ATP9A: variants seen among roughly 807,000 people sequenced by gnomAD.
ATP9A encodes the protein probable phospholipid-transporting ATPase IIA.
A neutral mutation model predicts 144.1 loss-of-function variants in ATP9A; 52 were observed. The observed-to-expected ratio is 0.36, with a 90% CI of 0.29 to 0.45. ATP9A has a LOEUF of 0.45. ATP9A is among the 20% of genes least tolerant of loss of function. The pLI is 1.00. For missense variants in ATP9A, 947 were observed against 1,392.7 expected (o/e 0.68, Z 5.09); for synonymous variants, 582 against 557.4 (o/e 1.04, Z -0.62).
In ATP9A at chr20:51,601,536, C is replaced by T. The variant is rs567554983; in HGVS notation, c.3008-189G>A. ...TACCATGGCTAAGAGCACACAGCGC[C>T]GCAGCTTGATTTTCCTCGCTCTCTC... is the stretch of plus-strand genomic sequence containing the variant. On this transcript the variant is annotated intron_variant, in intron 27 of 27. Coordinates refer to ENST00000338821, the MANE Select transcript of ATP9A (RefSeq NM_006045.3). Among the ~76,000 whole-genome samples, 5 of 152,308 alleles carry T rather than the reference C, an allele frequency of 3.3e-5. No homozygotes were observed. The East Asian group carries it at 5.8e-4, about 18-fold the overall frequency.
At chr20:51,740,409 T>C (rs1040666508) in intron 1 of ATP9A, among the ~76,000 whole-genome samples, 1 of 147,252 alleles carries the variant, frequency 6.8e-6, no homozygotes, top group Non-Finnish European at 1.5e-5. Context: ...CTAAAATCTT[T>C]TAAGATTCCT....
In ATP9A at chr20:51,704,182, TAA is replaced by T. The variant is rs11086355; in HGVS notation, c.437-6702_437-6701del. Among the ~76,000 whole-genome samples, 683 of 130,466 alleles carry T rather than the reference TAA, an allele frequency of 5.2e-3. 6 individuals are homozygous for T. The highest frequency in any genetic ancestry group is 0.013 in the African/African-American group (476 of 36,326). The allele number at this position is 130,466 out of a possible 152,430, so 85.6% of individuals were successfully genotyped here. A position where few individuals can be genotyped will look rare whatever the true frequency, so the allele number is the denominator to read the frequency against. Reference sequence around the variant, plus strand: ...GGCTTTTGTTTAAATAGTGGGAACTTAAAAAAAAAAAAAAAAAAGGCTGCAGT... The same window carrying T: ...GGCTTTTGTTTAAATAGTGGGAACTTAAAAAAAAAAAAAAAAGGCTGCAGT... On this transcript the variant is annotated intron_variant, in intron 4 of 27. Transcript: ENST00000338821.
intron 11 of ATP9A, 138 bp from the exon 12 acceptor site, chr20:51,671,395 C>T (rs1313761657): frequency 6.4e-6 from 6 of 934,802 alleles, no homozygotes; most frequent in Admixed American, 2.6e-5. Context: ...CAGAGCTGAA[C>T]GCACAGACTC....
intron 13 of ATP9A, among the ~76,000 whole-genome samples, chr20:51,662,541 T>C (rs2122776435): frequency 8.5e-6 from 1 of 118,336 alleles, no homozygotes; most frequent in East Asian, 3.6e-4. Context: ...CAAGACTCTG[T>C]CTCAAAAAAA....
intron 13 of ATP9A, among the ~76,000 whole-genome samples, chr20:51,660,941 T>G (rs1405562447): frequency 6.6e-6 from 1 of 152,172 alleles, no homozygotes; most frequent in Non-Finnish European, 1.5e-5. Flanking sequence ...GAAAAACCAC[T>G]GGTCCCCTTA....
At chr20:51,746,465 G>A (rs11698143) in intron 1 of ATP9A, among the ~76,000 whole-genome samples, 14,889 of 151,210 alleles carry the variant, frequency 0.098, 1,016 homozygotes, top group African/African-American at 0.19. Flanking sequence ...TTGGGAAGCC[G>A]AGGCAGGCGG....
chr20:51,625,512 A>G lies in ATP9A; in HGVS notation c.1846-150T>C, dbSNP rs2077244706. 3 of 841,234 alleles carry G rather than the reference A, an allele frequency of 3.6e-6. No homozygotes were observed. In the South Asian group the frequency reaches 5.7e-5, roughly 16 times the overall value. The allele number at this position is 841,234 out of a possible 1,614,324, so 52.1% of individuals were successfully genotyped here. On this transcript the variant is annotated intron_variant, in intron 17 of 27. Coordinates refer to ENST00000338821, the MANE Select transcript of ATP9A (RefSeq NM_006045.3). ...GAGCTGGACCCCACAGGGGTGACAT[A>G]GGCTTCCAGCTTCCTCACAAGTCCT... is the stretch of plus-strand genomic sequence containing the variant.
intron 9 of ATP9A, among the ~76,000 whole-genome samples, chr20:51,681,659 T>C (rs1424783546): frequency 1.3e-5 from 2 of 152,118 alleles, no homozygotes; most frequent in Non-Finnish European, 2.9e-5. Context: ...TGACCTCAAA[T>C]GATCCACTCG....
At chr20:51,666,634 C>T (rs1480351210) in intron 13 of ATP9A, among the ~76,000 whole-genome samples, 2 of 149,684 alleles carry the variant, frequency 1.3e-5, no homozygotes, top group Admixed American at 6.7e-5. Context: ...GAGCCGAGAT[C>T]GCACCCCTGT....
At chr20:51,705,520 G>A (rs183390167) in intron 4 of ATP9A, among the ~76,000 whole-genome samples, 1 of 152,316 alleles carries the variant, frequency 6.6e-6, no homozygotes, top group African/African-American at 2.4e-5. Context: ...CTTATGGTCA[G>A]CCTGCCCAGA....
At chr20:51,604,395 G>C (rs577333036) in intron 27 of ATP9A, among the ~76,000 whole-genome samples, 2 of 152,284 alleles carry the variant, frequency 1.3e-5, no homozygotes, top group Admixed American at 6.5e-5. Flanking sequence ...GGACACAGCA[G>C]CAAGGCAGGG....
chr20:51,717,550 T>C (rs2077667653), intron 3 of ATP9A, among the ~76,000 whole-genome samples: 1 of 152,134 alleles, frequency 6.6e-6, no homozygotes, highest in African/African-American at 2.4e-5. Context: ...AAACAAGCTA[T>C]TAACCTGCCT....
chr20:51,723,626 C>T (rs940359933), intron 3 of ATP9A, among the ~76,000 whole-genome samples: 2 of 143,664 alleles, frequency 1.4e-5, no homozygotes, highest in African/African-American at 2.6e-5. Flanking sequence ...AGTACAGTGG[C>T]GCTCACTGCC....
chr20:51,697,936 T>C (rs558767978), intron 4 of ATP9A, among the ~76,000 whole-genome samples: 2 of 152,354 alleles, frequency 1.3e-5, no homozygotes, highest in African/African-American at 4.8e-5. Context: ...CTTTGATTTA[T>C]AGGATTATGA....
chr20:51,638,071 T>TATATATATATATATA (rs58144454), intron 15 of ATP9A, among the ~76,000 whole-genome samples: 8 of 34,194 alleles, frequency 2.3e-4, no homozygotes, highest in African/African-American at 4.3e-4. Flanking sequence ...TTTCATCATT[T>TATATATATATATATA]TATATATATA....
chr20:51,729,287 A>G (rs1601132537), intron 2 of ATP9A, among the ~76,000 whole-genome samples: 2 of 152,132 alleles, frequency 1.3e-5, no homozygotes, highest in East Asian at 1.9e-4. Flanking sequence ...ACTCTAACTG[A>G]GCAGGTGGGG....
chr20:51,750,063 G>A (rs2122901870), intron 1 of ATP9A, among the ~76,000 whole-genome samples: 1 of 152,288 alleles, frequency 6.6e-6, no homozygotes. Context: ...GCTGAGGCGG[G>A]AGAATTGCTT....
At chr20:51,709,535 T>C (rs1187051551) in intron 4 of ATP9A, among the ~76,000 whole-genome samples, 1 of 152,078 alleles carries the variant, frequency 6.6e-6, no homozygotes, top group African/African-American at 2.4e-5. Flanking sequence ...CTGTGCAGCC[T>C]GGGCAACATG....
chr20:51,690,517 T>C (rs73269705), intron 8 of ATP9A, among the ~76,000 whole-genome samples: 170 of 152,340 alleles, frequency 1.1e-3, no homozygotes, highest in African/African-American at 3.9e-3. Context: ...ATGCTTCCTC[T>C]AAGTTGTCAG....
Sources: allele counts gnomAD v4.1 joint callset (sites outside exome capture counted in the v4.1 genomes callset), GRCh38; gene constraint gnomAD v4.1.1; transcripts MANE v1.5; gene names NCBI Gene and HGNC (gene_info 2026-07-23, HGNC 2026-07-21).